PCSK2: variants seen among roughly 807,000 people sequenced by gnomAD.
PCSK2 encodes neuroendocrine convertase 2.
PCSK2 carries 14 observed loss-of-function variants against 69.7 expected under a neutral mutation model. The observed-to-expected ratio is 0.20, with a 90% CI of 0.13 to 0.31. PCSK2 has a LOEUF of 0.31. Ranked by LOEUF, PCSK2 falls within the 10% of genes least tolerant of loss-of-function variation. The probability of loss-of-function intolerance (pLI) is 1.00; values close to 1 mark genes in which losing one functional copy is unlikely to be tolerated. For missense variants in PCSK2, 544 were observed against 842.5 expected (o/e 0.65, Z 4.39); for synonymous variants, 307 against 320.7 (o/e 0.96, Z 0.46).
At chr20:17,422,483 T>C (rs769343285) in intron 6 of PCSK2, among the ~76,000 whole-genome samples, 1 of 152,184 alleles carries the variant, frequency 6.6e-6, no homozygotes, top group Non-Finnish European at 1.5e-5. Flanking sequence ...AAAGATATCA[T>C]ATCAAATTAA....
intron 5 of PCSK2, among the ~76,000 whole-genome samples, chr20:17,374,138 T>C (rs1291923938): frequency 6.6e-6 from 1 of 152,218 alleles, no homozygotes; most frequent in African/African-American, 2.4e-5. Context: ...GGCTGTGGAT[T>C]GAACCTGCTA....
intron 7 of PCSK2, among the ~76,000 whole-genome samples, chr20:17,432,465 T>G (rs1001059255): frequency 2.6e-5 from 4 of 151,794 alleles, no homozygotes; most frequent in Non-Finnish European, 5.9e-5. Context: ...TTTCACTGAT[T>G]TAATTGTATA....
At chr20:17,303,399 AT>A (rs1989160658) in intron 2 of PCSK2, among the ~76,000 whole-genome samples, 1 of 112,810 alleles carries the variant, frequency 8.9e-6, no homozygotes, top group African/African-American at 3.4e-5. Flanking sequence ...TATATAATAT[AT>A]GTAATATATA....
intron 3 of PCSK2, among the ~76,000 whole-genome samples, chr20:17,358,724 C>T (rs957822596): frequency 9.2e-5 from 14 of 152,150 alleles, no homozygotes; most frequent in Admixed American, 3.3e-4. Flanking sequence ...CAGTGTATGA[C>T]TGAAGATTAG....
At chr20:17,346,638 T>A (rs1990660909) in intron 2 of PCSK2, among the ~76,000 whole-genome samples, 1 of 152,242 alleles carries the variant, frequency 6.6e-6, no homozygotes, top group African/African-American at 2.4e-5. Flanking sequence ...GAACATGTCA[T>A]TTTGGCCAAG....
At chr20:17,324,853 C>T (rs532740419) in intron 2 of PCSK2, among the ~76,000 whole-genome samples, 1 of 152,150 alleles carries the variant, frequency 6.6e-6, no homozygotes, top group South Asian at 2.1e-4. Flanking sequence ...AATCAGGGTG[C>T]TCAAATACTG....
rs1169682346 is a variant in PCSK2, at chr20:17,369,307, CA to C, written c.543+31del. 4.4e-6 allele frequency: 7 copies of C among 1,595,414 alleles called. No individual in the cohort carries two copies. The Admixed American group carries it at 1.2e-4, about 27-fold the overall frequency. Reference sequence around the variant, plus strand: ...GTACAAGCCAACTTTGGTGGGGAAACAGATGCATCTTAAATGTCCTGGTGTC... The same window carrying C: ...GTACAAGCCAACTTTGGTGGGGAAACGATGCATCTTAAATGTCCTGGTGTC... On this transcript the variant is annotated intron_variant, in intron 5 of 11. Transcript: ENST00000262545.
chr20:17,474,440 C>A (rs914620352), intron 11 of PCSK2, among the ~76,000 whole-genome samples: 1 of 152,166 alleles, frequency 6.6e-6, no homozygotes, highest in African/African-American at 2.4e-5. Context: ...TTCCAAGGTG[C>A]ATGGAATATG....
intron 2 of PCSK2, among the ~76,000 whole-genome samples, chr20:17,303,518 TATA>T (rs1449319379): frequency 3.2e-4 from 18 of 56,346 alleles, no homozygotes; most frequent in Admixed American, 7.1e-4. Context: ...TTATATATAA[TATA>T]ATATATATTA....
In PCSK2 at chr20:17,453,831, C is replaced by T. The variant is rs1217210365; in HGVS notation, c.975C>T (p.Ser325=). 1.2e-6 allele frequency: 2 copies of T among 1,614,236 alleles called. No homozygotes were observed. Among genetic ancestry groups the T allele is most frequent in the South Asian group, 1.1e-5 (1 of 91,090 alleles). The change falls in exon 9 of 12, where the codon AGC becomes AGT. Residue 325 remains serine (S), a synonymous_variant. Coordinates refer to ENST00000262545, the MANE Select transcript of PCSK2 (RefSeq NM_002594.5). This position sits in a 1 kb window ranked among gnomAD's most constrained non-coding sequence, Gnocchi z 4.0. ...GCAACTGCGACGGCTACGCCTCCAG[C>T]ATGTGGACCATCTCCATCAACTCAG... ...DDCNCDGYAS[S]MWTISINSAI...
intron 2 of PCSK2, among the ~76,000 whole-genome samples, chr20:17,337,125 G>A (rs1002876399): frequency 1.3e-5 from 2 of 152,168 alleles, no homozygotes; most frequent in African/African-American, 4.8e-5. Context: ...CAGCAGATTG[G>A]AAATCACTCG....
In PCSK2 at chr20:17,484,023, A is replaced by G. The variant is rs555463977; in HGVS notation, c.*1953A>G. On this transcript the variant is annotated 3_prime_UTR_variant, in exon 12 of 12. Coordinates refer to ENST00000262545, the MANE Select transcript of PCSK2 (RefSeq NM_002594.5). ...GTATGTGTATTTATTGAAGAAACAGATACCATACTCATTTCTAAAAGAATA... is the reference window on the plus strand; with the variant it reads ...GTATGTGTATTTATTGAAGAAACAGGTACCATACTCATTTCTAAAAGAATA... 4 of 152,690 alleles carry G rather than the reference A, an allele frequency of 2.6e-5. No individual in the cohort carries two copies. The highest frequency in any genetic ancestry group is 2.1e-4 in the South Asian group (1 of 4,828). The allele number at this position is 152,690 out of a possible 1,614,324, so 9.5% of individuals were successfully genotyped here.
intron 11 of PCSK2, among the ~76,000 whole-genome samples, chr20:17,469,299 G>A (rs151245467): frequency 6.6e-6 from 1 of 152,156 alleles, no homozygotes; most frequent in Non-Finnish European, 1.5e-5. Context: ...TTTCATACAC[G>A]TAAGCTTCAC....
chr20:17,261,536 T>C (rs79614344), intron 2 of PCSK2, among the ~76,000 whole-genome samples: 1,989 of 152,322 alleles, frequency 0.013, 50 homozygotes, highest in African/African-American at 0.045. Context: ...TAACTTTACT[T>C]TTGCAGTAAC....
At chr20:17,257,995 T>C (rs1987240976) in intron 1 of PCSK2, among the ~76,000 whole-genome samples, 1 of 152,204 alleles carries the variant, frequency 6.6e-6, no homozygotes, top group South Asian at 2.1e-4. Flanking sequence ...TTTTGACAAA[T>C]TCCCTGGGGA....
intron 2 of PCSK2, among the ~76,000 whole-genome samples, chr20:17,307,222 C>T (rs60467689): frequency 0.017 from 2,557 of 152,262 alleles, 76 homozygotes; most frequent in African/African-American, 0.059. Context: ...TAATCTCAAT[C>T]AATTTTCAGA....
chr20:17,432,891 G>A (rs2032397629), intron 7 of PCSK2, among the ~76,000 whole-genome samples: 2 of 152,194 alleles, frequency 1.3e-5, no homozygotes, highest in South Asian at 4.1e-4. Context: ...CAGTCTAGGA[G>A]GAGAAAAAGA....
At chr20:17,264,748 C>G (rs556589524) in intron 2 of PCSK2, among the ~76,000 whole-genome samples, 2 of 133,072 alleles carry the variant, frequency 1.5e-5, no homozygotes, top group African/African-American at 2.6e-5. Context: ...TGTGGCCAAA[C>G]TCTTCTTTCC....
At position 17,253,840 on chromosome 20, in the gene PCSK2, T is replaced by C. The variant is rs139452952; in HGVS notation, c.178-6400T>C. ...CTATCCCACCAACAGTGTATGAGGG[T>C]TCAAATTCCTCCCTATCCAGGTCAA... On this transcript the variant is annotated intron_variant, in intron 1 of 11. Coordinates refer to ENST00000262545, the MANE Select transcript of PCSK2 (RefSeq NM_002594.5). Among the ~76,000 whole-genome samples, 9 of 152,274 alleles carry C rather than the reference T, an allele frequency of 5.9e-5. No homozygotes were observed. In the Middle Eastern group the frequency reaches 0.017, roughly 288 times the overall value.
Sources: allele counts gnomAD v4.1 joint callset (sites outside exome capture counted in the v4.1 genomes callset), GRCh38; gene constraint gnomAD v4.1.1; non-coding constraint Gnocchi (gnomAD v3.1); transcripts MANE v1.5; gene names NCBI Gene and HGNC (gene_info 2026-07-23, HGNC 2026-07-21).